MAST4: variants seen among roughly 807,000 people sequenced by gnomAD.
The protein encoded by MAST4 is microtubule associated serine/threonine kinase family member 4, also known as microtubule-associated serine/threonine-protein kinase 4.
MAST4 carries 89 observed loss-of-function variants against 162.7 expected under a neutral mutation model. That is an observed-to-expected ratio of 0.55 (90% CI 0.46 to 0.65). The LOEUF (loss-of-function observed/expected upper bound fraction) is 0.65, where lower values mean the gene tolerates loss of function less well. Ranked by LOEUF, MAST4 falls within the 30% of genes least tolerant of loss-of-function variation. The pLI, the probability that MAST4 is intolerant of heterozygous loss-of-function variation, is 0.00. For synonymous variants in MAST4, 1,479 were observed against 1,361.1 expected, an observed-to-expected ratio of 1.09 and a Z score of -1.91; for missense variants, 3,153 against 3,374.0, an observed-to-expected ratio of 0.93 and a Z score of 1.62.
Position 66,771,842 on chromosome 5 carries a change from G to A in MAST4, c.517+11980G>A, listed in dbSNP as rs6862697. Among the ~76,000 whole-genome samples the A allele has an allele frequency of 2.5e-3, 380 of 150,644 alleles. 2 individuals are homozygous for A. Among genetic ancestry groups the A allele is most frequent in the African/African-American group, 8.9e-3 (365 of 40,980 alleles). On this transcript the variant is annotated intron_variant, in intron 2 of 28. Transcript: ENST00000403625. ...TCCTTTTTCTTTCTACTGCTTTTTA[G>A]TTTTGTCTTTTTAGTACTTCCCTGA...
intron 5 of MAST4, among the ~76,000 whole-genome samples, chr5:67,078,393 A>G (rs910441110): frequency 6.6e-5 from 10 of 151,070 alleles, no homozygotes; most frequent in Non-Finnish European, 1.5e-4. Context: ...ATGAAGTACA[A>G]ACTCTGGGTA....
rs371755711 is a variant in MAST4 at position 67,164,325 on chromosome 5, G to A, written c.5146G>A (p.Glu1716Lys). The change falls in exon 29 of 29, where the codon GAA becomes AAA. Residue 1716 changes from glutamate to lysine, a missense_variant. Glu to Lys is a moderately conservative substitution (Grantham distance 56, BLOSUM62 1). Coordinates refer to ENST00000403625, the MANE Select transcript of MAST4 (RefSeq NM_001164664.2). This position sits in a 1 kb window ranked among gnomAD's most constrained non-coding sequence, Gnocchi z 5.3. ...GCCCAAGATGACAGCTGGCTCCCAC[G>A]AATGCCTGCCAGGGAACCCAGTCCG... ...LKPKMTAGSH[E>K]CLPGNPVRPT... The A allele has an allele frequency of 3.7e-6, 6 of 1,613,820 alleles. No individual in the cohort carries two copies. Among genetic ancestry groups the A allele is most frequent in the East Asian group, 2.2e-5 (1 of 44,894 alleles).
intron 1 of MAST4, among the ~76,000 whole-genome samples, chr5:66,597,252 G>GT (rs1006436623): frequency 6.6e-6 from 1 of 152,222 alleles, no homozygotes; most frequent in African/African-American, 2.4e-5. Context: ...CTGATGGTGT[G>GT]TTTTTAAAAT....
chr5:66,640,680 C>T (rs1745437543), intron 1 of MAST4, among the ~76,000 whole-genome samples: 1 of 152,192 alleles, frequency 6.6e-6, no homozygotes, highest in Non-Finnish European at 1.5e-5. Context: ...GTGAATAATA[C>T]TGCCACGAAC....
At chr5:66,840,314 A>G (rs1226869291) in intron 3 of MAST4, among the ~76,000 whole-genome samples, 2 of 152,090 alleles carry the variant, frequency 1.3e-5, no homozygotes, top group South Asian at 2.1e-4. Flanking sequence ...TGTTTTCTCA[A>G]TTTTAGCATC....
chr5:67,158,371 C>T (rs1189723718), intron 26 of MAST4, among the ~76,000 whole-genome samples: 1 of 152,070 alleles, frequency 6.6e-6, no homozygotes, highest in African/African-American at 2.4e-5. Flanking sequence ...ATATTTCCTG[C>T]AAATATGACA....
intron 1 of MAST4, among the ~76,000 whole-genome samples, chr5:66,599,265 C>G (rs1308222301): frequency 1.3e-5 from 2 of 152,144 alleles, no homozygotes; most frequent in African/African-American, 4.8e-5. Context: ...TTCACCTTCA[C>G]TGTTTGTGGG....
chr5:67,152,842 C>A lies in MAST4; in HGVS notation c.3501C>A (p.Ile1167=). ...AIRVYVGDSD[I]YTVHHIVWNV... ...GGGTGTATGTGGGAGACAGTGACAT[C>A]TATACAGTGCACCATATCGTCTGGG... Residue 1167 remains isoleucine, a synonymous_variant, in exon 25 of 29, where the codon ATC becomes ATA. Coordinates refer to ENST00000403625, the MANE Select transcript of MAST4 (RefSeq NM_001164664.2). 1 of 1,613,964 alleles carries A rather than the reference C, an allele frequency of 6.2e-7. No homozygotes were observed. Among genetic ancestry groups the A allele is most frequent in the Non-Finnish European group, 8.5e-7 (1 of 1,179,840 alleles).
chr5:66,887,197 C>G (rs1762095659), intron 3 of MAST4, among the ~76,000 whole-genome samples: 1 of 152,146 alleles, frequency 6.6e-6, no homozygotes, highest in African/African-American at 2.4e-5. Context: ...TGCAGCCCTC[C>G]CAAATATATT....
intron 26 of MAST4, among the ~76,000 whole-genome samples, chr5:67,158,811 G>A (rs1476086174): frequency 5.9e-5 from 9 of 152,206 alleles, no homozygotes; most frequent in Non-Finnish European, 1.0e-4. Flanking sequence ...AACGCAGGCA[G>A]ATCGCCTGAG....
intron 1 of MAST4, among the ~76,000 whole-genome samples, chr5:66,634,773 G>A (rs1431527096): frequency 6.6e-6 from 1 of 152,234 alleles, no homozygotes; most frequent in Admixed American, 6.5e-5. Flanking sequence ...AGAACGTTGG[G>A]CTGGGCCCAA....
intron 5 of MAST4, 141 bp downstream of exon 5, chr5:67,054,633 C>A (rs1050269932): frequency 1.1e-5 from 8 of 739,076 alleles, no homozygotes; most frequent in Admixed American, 3.3e-5. Context: ...TTGTTCTTTG[C>A]GATATGTTAG....
intron 5 of MAST4, among the ~76,000 whole-genome samples, chr5:67,055,822 A>G (rs1218139685): frequency 6.6e-6 from 1 of 152,134 alleles, no homozygotes; most frequent in Non-Finnish European, 1.5e-5. Context: ...TGGATAAATG[A>G]ATTGTGGCAT....
chr5:66,744,207 T>C (rs1752625137), intron 1 of MAST4, among the ~76,000 whole-genome samples: 1 of 152,142 alleles, frequency 6.6e-6, no homozygotes, highest in Non-Finnish European at 1.5e-5. Flanking sequence ...TGCTCAGCGG[T>C]TATCTTTCTG....
chr5:67,103,673 G>A (rs1428352852), intron 9 of MAST4, among the ~76,000 whole-genome samples: 2 of 152,322 alleles, frequency 1.3e-5, no homozygotes, highest in South Asian at 2.1e-4. Context: ...CTTTTACATA[G>A]GATGTAGCTT....
In MAST4 at chr5:67,149,564, T is replaced by C. The variant is rs373178907; in HGVS notation, c.3270T>C (p.Ser1090=). Residue 1090 remains serine (S), a synonymous_variant, in exon 24 of 29, where the codon AGT becomes AGC. Coordinates refer to ENST00000403625, the MANE Select transcript of MAST4 (RefSeq NM_001164664.2). ...AAGTCACAAAGTCCCTCTCTGCCAG[T>C]GCTCTTTCCCTCATGATCCCAGGAG... ...SGKVTKSLSA[S]ALSLMIPGDM... 2.5e-5 allele frequency: 41 copies of C among 1,613,580 alleles called. No individual in the cohort carries two copies. The highest frequency in any genetic ancestry group is 3.4e-5 in the Non-Finnish European group (40 of 1,179,748).
intron 1 of MAST4, among the ~76,000 whole-genome samples, chr5:66,637,275 T>C (rs2045760949): frequency 1.3e-5 from 2 of 151,320 alleles, no homozygotes; most frequent in Non-Finnish European, 2.9e-5. Flanking sequence ...TTGCAAACCA[T>C]GCTTTGATTA....
intron 26 of MAST4, among the ~76,000 whole-genome samples, chr5:67,153,814 TAAGTAGTAAG>T: frequency 6.6e-6 from 1 of 152,356 alleles, no homozygotes; most frequent in East Asian, 1.9e-4. Flanking sequence ...TTCTAAATTG[TAAGTAGTAAG>T]AATTCTCTTT....
At chr5:66,862,398 G>A (rs1253636682) in intron 3 of MAST4, among the ~76,000 whole-genome samples, 1 of 152,144 alleles carries the variant, frequency 6.6e-6, no homozygotes, top group Non-Finnish European at 1.5e-5. Flanking sequence ...ATGTGCTGCA[G>A]TATAATTGTG....
Sources: gnomAD v4.1 joint callset for allele counts (sites outside exome capture counted in the v4.1 genomes callset) on GRCh38, gnomAD v4.1.1 for gene constraint, Gnocchi (gnomAD v3.1) non-coding constraint, MANE v1.5 for transcripts, NCBI Gene and HGNC (gene_info 2026-07-23, HGNC 2026-07-21) for gene names.